CYTH1: variants seen among roughly 807,000 people sequenced by gnomAD.
CYTH1 encodes the protein cytohesin 1.
CYTH1 carries 18 observed loss-of-function variants against 61.8 expected under a neutral mutation model. The observed-to-expected ratio is 0.29, with a 90% CI of 0.20 to 0.43. The LOEUF is 0.43. Ranked by LOEUF, CYTH1 falls within the 20% of genes least tolerant of loss-of-function variation. The probability of loss-of-function intolerance (pLI) is 1.00; values close to 1 mark genes in which losing one functional copy is unlikely to be tolerated. For synonymous variants in CYTH1, 174 were observed against 184.3 expected (o/e 0.94, Z 0.45); for missense variants, 336 against 510.5 (o/e 0.66, Z 3.29).
At chr17:78,681,914 C>T (rs1473752870) in intron 11 of CYTH1, among the ~76,000 whole-genome samples, 1 of 152,036 alleles carries the variant, frequency 6.6e-6, no homozygotes, top group Non-Finnish European at 1.5e-5. Context: ...ATTTCCCCAT[C>T]CTGGCTAGCA....
intron 2 of CYTH1, chr17:78,709,446 A>G: frequency 3.6e-6 from 2 of 549,286 alleles, no homozygotes; most frequent in Non-Finnish European, 6.4e-6. Flanking sequence ...GAACCTGGAC[A>G]AGCCACTCAA....
Position 78,676,660 on chromosome 17 carries a change from A to G in CYTH1, c.1119-491T>C, listed in dbSNP as rs781091620. On this transcript the variant is annotated intron_variant, in intron 13 of 13. Transcript: ENST00000446868. ...GCACCTGCTCAGTAACTAAGGCTCC[A>G]TGACTCTGCAGGCGGCACTGCCCAG... 5.4e-5 allele frequency: 16 copies of G among 297,878 alleles called. No individual in the cohort carries two copies. The East Asian group carries it at 8.9e-4, about 17-fold the overall frequency. 18.5% of individuals were successfully genotyped at this position (297,878 alleles called of 1,614,324 possible).
chr17:78,772,434 A>G lies in CYTH1; in HGVS notation c.22+9768T>C, dbSNP rs2093475080. Among the ~76,000 whole-genome samples the G allele has an allele frequency of 2.0e-5, 3 of 152,362 alleles. No individual in the cohort carries two copies. In the South Asian group the frequency reaches 6.2e-4, roughly 32 times the overall value. ...CGTGAATGCAAGAAATACTGAAGAAAAAATCTGTTTGACATAATCTCTTTT... is the reference window on the plus strand; with the variant it reads ...CGTGAATGCAAGAAATACTGAAGAAGAAATCTGTTTGACATAATCTCTTTT... On this transcript the variant is annotated intron_variant, in intron 1 of 13. Coordinates refer to ENST00000446868, the MANE Select transcript of CYTH1 (RefSeq NM_004762.6).
chr17:78,737,602 C>CA (rs34735933), intron 1 of CYTH1, among the ~76,000 whole-genome samples: 7,332 of 104,760 alleles, frequency 0.07, 214 homozygotes, highest in East Asian at 0.15. Context: ...ATATTAGAGG[C>CA]AAAAAAAAAA....
At chr17:78,772,223 A>AAGCAGACTCG (rs1444795664) in intron 1 of CYTH1, among the ~76,000 whole-genome samples, 4 of 152,118 alleles carry the variant, frequency 2.6e-5, no homozygotes, top group African/African-American at 4.8e-5. Context: ...AATAACAGGA[A>AAGCAGACTCG]AGCAGACTCG....
At chr17:78,726,138 G>A (rs369047936) in intron 1 of CYTH1, among the ~76,000 whole-genome samples, 76 of 149,318 alleles carry the variant, frequency 5.1e-4, no homozygotes, top group African/African-American at 1.6e-3. Flanking sequence ...CTGTCTCCCA[G>A]GTTCACGCCA....
At chr17:78,767,403 T>C (rs1254559680) in intron 1 of CYTH1, among the ~76,000 whole-genome samples, 5 of 152,172 alleles carry the variant, frequency 3.3e-5, no homozygotes, top group Non-Finnish European at 7.4e-5. Context: ...ATTTCCACCA[T>C]AGCAAATTTC....
chr17:78,678,679 C>T (rs891805329), intron 13 of CYTH1, among the ~76,000 whole-genome samples: 9 of 152,188 alleles, frequency 5.9e-5, no homozygotes, highest in African/African-American at 4.8e-5. Flanking sequence ...CTGAAAACAC[C>T]GTGGCACCGC....
intron 1 of CYTH1, among the ~76,000 whole-genome samples, chr17:78,727,402 C>T (rs1323985642): frequency 6.6e-6 from 1 of 152,180 alleles, no homozygotes; most frequent in African/African-American, 2.4e-5. Context: ...AGCATAAAAT[C>T]TTCTTCAAAG....
At chr17:78,692,125 C>A in intron 11 of CYTH1, 1 of 364,550 alleles carries the variant, frequency 2.7e-6, no homozygotes, top group Non-Finnish European at 5.0e-6. Context: ...TCTTTCTAGC[C>A]CAGTTCCAAA....
At position 78,764,055 on chromosome 17, in the gene CYTH1, G is replaced by A. The variant is rs540145985; in HGVS notation, c.22+18147C>T. Among the ~76,000 whole-genome samples the A allele has an allele frequency of 4.6e-5, 7 of 152,202 alleles. No homozygotes were observed. In the South Asian group the frequency reaches 1.2e-3, roughly 27 times the overall value. On this transcript the variant is annotated intron_variant, in intron 1 of 13. Coordinates refer to ENST00000446868, the MANE Select transcript of CYTH1 (RefSeq NM_004762.6). Reference sequence around the variant, plus strand: ...GAACCCGGGAGGCAGAGGTTGCAGTGAGCCAAGATCCCATCACTGCACTCC... The same window carrying A: ...GAACCCGGGAGGCAGAGGTTGCAGTAAGCCAAGATCCCATCACTGCACTCC...
At chr17:78,737,478 T>C (rs1484489254) in intron 1 of CYTH1, among the ~76,000 whole-genome samples, 6 of 152,046 alleles carry the variant, frequency 3.9e-5, no homozygotes, top group Admixed American at 3.9e-4. Context: ...AATGGAATCA[T>C]TAAAATCCCT....
intron 1 of CYTH1, among the ~76,000 whole-genome samples, chr17:78,766,183 T>C (rs577221656): frequency 9.6e-4 from 146 of 151,796 alleles, no homozygotes; most frequent in African/African-American, 3.4e-3. Context: ...GGAGCTGCTC[T>C]GTAACTCCCT....
intron 9 of CYTH1, among the ~76,000 whole-genome samples, chr17:78,698,042 T>C (rs969882662): frequency 2.0e-4 from 31 of 152,242 alleles, no homozygotes; most frequent in African/African-American, 7.2e-4. Context: ...ACAGAACTCA[T>C]ACCAAAGTCT....
rs571729450 is a variant in CYTH1, at chr17:78,770,817, C to G, written c.22+11385G>C. 2.0e-5 allele frequency among the ~76,000 whole-genome samples: 3 copies of G among 152,200 alleles called. No homozygotes were observed. The East Asian group carries it at 5.8e-4, about 29-fold the overall frequency. ...TAAGGGCACGCTTCTGAAATAGAAG[C>G]CTTGAAGACTCAAGAAAAGGTAGAA... On this transcript the variant is annotated intron_variant, in intron 1 of 13. Coordinates refer to ENST00000446868, the MANE Select transcript of CYTH1 (RefSeq NM_004762.6).
At chr17:78,723,159 G>T in intron 1 of CYTH1, 1 of 152,870 alleles carries the variant, frequency 6.5e-6, no homozygotes, top group Non-Finnish European at 1.5e-5. Flanking sequence ...AGGCAGCAAC[G>T]CATAATGGGA....
intron 1 of CYTH1, among the ~76,000 whole-genome samples, chr17:78,749,733 G>T (rs2093372550): frequency 6.6e-6 from 1 of 151,936 alleles, no homozygotes; most frequent in Non-Finnish European, 1.5e-5. Flanking sequence ...AAGGCAGGTG[G>T]TTTCAGAAAA....
intron 1 of CYTH1, among the ~76,000 whole-genome samples, chr17:78,772,711 T>A (rs1404269000): frequency 7.2e-5 from 11 of 151,858 alleles, no homozygotes; most frequent in East Asian, 1.9e-4. Context: ...CTGATTTTTT[T>A]ATTTTTATTA....
intron 1 of CYTH1, among the ~76,000 whole-genome samples, chr17:78,765,097 C>T (rs1172337604): frequency 6.6e-6 from 1 of 152,124 alleles, no homozygotes; most frequent in Non-Finnish European, 1.5e-5. Flanking sequence ...AAGGCCCGAG[C>T]TGGGGAGCGT....
Sources: gnomAD v4.1 joint callset for allele counts (sites outside exome capture counted in the v4.1 genomes callset) on GRCh38, gnomAD v4.1.1 for gene constraint, MANE v1.5 for transcripts, NCBI Gene and HGNC (gene_info 2026-07-23, HGNC 2026-07-21) for gene names.